Variants in NAALADL2 observed in about 807,000 individuals in gnomAD.
NAALADL2 encodes the protein N-acetylated alpha-linked acidic dipeptidase like 2, also known as inactive N-acetylated-alpha-linked acidic dipeptidase-like protein 2.
A neutral mutation model predicts 87.2 loss-of-function variants in NAALADL2; 76 were observed. That is an observed-to-expected ratio of 0.87 (90% confidence interval 0.72 to 1.05). NAALADL2 has a LOEUF of 1.05. Among genes scored for constraint, NAALADL2 ranks in the 50% least tolerant of loss-of-function variants. The pLI, the probability that NAALADL2 is intolerant of heterozygous loss-of-function variation, is 0.00. For missense variants in NAALADL2, 1,089 were observed against 945.8 expected (o/e 1.15, Z -1.99); for synonymous variants, 354 against 331.0 (o/e 1.07, Z -0.75).
rs1396513744 is a variant in NAALADL2, at chr3:175,810,375, T to C, written c.*7172T>C. 2 of 152,074 alleles carry C rather than the reference T, an allele frequency of 1.3e-5. No homozygotes were observed. The highest frequency in any genetic ancestry group is 2.9e-5 in the Non-Finnish European group (2 of 67,978). 9.4% of individuals were successfully genotyped at this position (152,074 alleles called of 1,614,324 possible). On this transcript the variant is annotated 3_prime_UTR_variant, in exon 14 of 14. Transcript: ENST00000454872. ...ATACCACATCCATTAAAAATATAAGTGAATATTTTATATTTAAGTTGTTTA... is the reference window on the plus strand; with the variant it reads ...ATACCACATCCATTAAAAATATAAGCGAATATTTTATATTTAAGTTGTTTA...
chr3:175,170,712 A>C (rs549187132), intron 2 of NAALADL2, among the ~76,000 whole-genome samples: 1 of 151,550 alleles, frequency 6.6e-6, no homozygotes, highest in South Asian at 2.1e-4. Context: ...TTGGAAACTA[A>C]AATAAACAGC....
At chr3:175,659,307 A>G (rs1459741523) in intron 11 of NAALADL2, among the ~76,000 whole-genome samples, 1 of 152,186 alleles carries the variant, frequency 6.6e-6, no homozygotes, top group East Asian at 1.9e-4. Context: ...CCCTGTTACT[A>G]TAGCATAATT....
intron 1 of NAALADL2, among the ~76,000 whole-genome samples, chr3:174,862,913 C>T (rs140213794): frequency 2.6e-5 from 4 of 152,168 alleles, no homozygotes; most frequent in Non-Finnish European, 5.9e-5. Context: ...GGCTACAAAA[C>T]AGTAGAACTC....
At chr3:175,417,117 GA>G (rs11424007) in intron 5 of NAALADL2, among the ~76,000 whole-genome samples, 13,883 of 125,382 alleles carry the variant, frequency 0.11, 732 homozygotes, top group Middle Eastern at 0.19. Context: ...GAAGAGAAAA[GA>G]AAAAAAAAAA....
intron 2 of NAALADL2, among the ~76,000 whole-genome samples, chr3:174,573,375 C>T (rs1715151239): frequency 1.3e-5 from 2 of 152,136 alleles, no homozygotes; most frequent in African/African-American, 2.4e-5. Flanking sequence ...TCAAGAGAGC[C>T]TTCTGCCTCA....
intron 5 of NAALADL2, among the ~76,000 whole-genome samples, chr3:175,382,909 C>T (rs1173573644): frequency 1.3e-5 from 2 of 152,076 alleles, no homozygotes; most frequent in African/African-American, 4.8e-5. Context: ...CAAAGATTTA[C>T]ACACTTGAGT....
At chr3:174,892,355 C>A (rs7627036) in intron 1 of NAALADL2, among the ~76,000 whole-genome samples, 8,161 of 151,756 alleles carry the variant, frequency 0.054, 703 homozygotes, top group African/African-American at 0.18. Flanking sequence ...GAATTCTATC[C>A]GATAAATTAA....
At chr3:175,056,622 A>G (rs192698563) in intron 1 of NAALADL2, among the ~76,000 whole-genome samples, 1 of 152,344 alleles carries the variant, frequency 6.6e-6, no homozygotes, top group Admixed American at 6.5e-5. Flanking sequence ...TATAGCCTTC[A>G]GAGCTTAGAG....
intron 5 of NAALADL2, among the ~76,000 whole-genome samples, chr3:175,340,609 C>T (rs1762470451): frequency 1.3e-5 from 2 of 152,104 alleles, no homozygotes; most frequent in Non-Finnish European, 2.9e-5. Flanking sequence ...AGCTTTGTGG[C>T]AGCATGGCTT....
At chr3:174,892,518 G>C (rs537049988) in intron 1 of NAALADL2, among the ~76,000 whole-genome samples, 1 of 152,230 alleles carries the variant, frequency 6.6e-6, no homozygotes, top group Non-Finnish European at 1.5e-5. Context: ...AAAAATCTAA[G>C]AGTTATTGAA....
intron 3 of NAALADL2, among the ~76,000 whole-genome samples, chr3:174,753,111 T>C (rs1351090538): frequency 6.6e-6 from 1 of 152,242 alleles, no homozygotes. Context: ...TTTCTTTCTT[T>C]CTTTTTTTTT....
intron 2 of NAALADL2, among the ~76,000 whole-genome samples, chr3:175,175,398 T>C (rs1477472391): frequency 6.6e-6 from 1 of 152,064 alleles, no homozygotes; most frequent in Non-Finnish European, 1.5e-5. Context: ...CCATGTAGTC[T>C]ATGTTGGTTG....
At chr3:174,836,902 AT>A (rs1723398852) in intron 3 of NAALADL2, among the ~76,000 whole-genome samples, 1 of 152,172 alleles carries the variant, frequency 6.6e-6, no homozygotes, top group South Asian at 2.1e-4. Context: ...ATAGGGAAAT[AT>A]TTTTTGCAAC....
intron 2 of NAALADL2, among the ~76,000 whole-genome samples, chr3:175,231,307 G>A (rs1032495211): frequency 6.6e-6 from 1 of 151,810 alleles, no homozygotes; most frequent in African/African-American, 2.4e-5. Context: ...TTCATAACCT[G>A]GGTGGTTCCT....
At chr3:175,080,036 G>A (rs1220104014) in intron 1 of NAALADL2, among the ~76,000 whole-genome samples, 5 of 151,500 alleles carry the variant, frequency 3.3e-5, no homozygotes, top group South Asian at 2.1e-4. Context: ...AGCGATCTCG[G>A]CTCACTGCAA....
At chr3:174,908,071 T>C (rs1471364820) in intron 1 of NAALADL2, among the ~76,000 whole-genome samples, 1 of 145,052 alleles carries the variant, frequency 6.9e-6, no homozygotes, top group Non-Finnish European at 1.5e-5. Context: ...ATTTCCTTTA[T>C]CTCCCACTTG....
chr3:175,466,952 A>C (rs756970922), intron 7 of NAALADL2, 27 bp from the exon 8 acceptor site: 7 of 1,537,332 alleles, frequency 4.6e-6, no homozygotes, highest in Non-Finnish European at 4.5e-6. Context: ...ATTTTTTTAA[A>C]TGGCTCTTGT....
chr3:175,258,031 A>G (rs372788498), intron 4 of NAALADL2, among the ~76,000 whole-genome samples: 15 of 152,276 alleles, frequency 9.9e-5, no homozygotes, highest in South Asian at 4.1e-4. Context: ...CGATGGGGCC[A>G]GGCGCGGTGT....
At chr3:175,783,958 AATC>A (rs1204183807) in intron 13 of NAALADL2, among the ~76,000 whole-genome samples, 3 of 140,786 alleles carry the variant, frequency 2.1e-5, no homozygotes, top group Admixed American at 6.8e-5. Flanking sequence ...CTATTGAGAT[AATC>A]ATGTGGTTTT....
Sources: gnomAD v4.1 joint callset for allele counts (sites outside exome capture counted in the v4.1 genomes callset) on GRCh38, gnomAD v4.1.1 for gene constraint, MANE v1.5 for transcripts, NCBI Gene and HGNC (gene_info 2026-07-23, HGNC 2026-07-21) for gene names.